The following SUGCT variants were observed in gnomAD, a reference collection of about 807,000 sequenced individuals.
The protein encoded by SUGCT is succinyl-CoA:glutarate CoA-transferase.
A neutral mutation model predicts 55.0 loss-of-function variants in SUGCT; 41 were observed. That is an observed-to-expected ratio of 0.74 (90% CI 0.58 to 0.97). The LOEUF (loss-of-function observed/expected upper bound fraction) is 0.97. SUGCT is among the 50% of genes least tolerant of loss of function. The pLI is 0.00. For synonymous variants in SUGCT, 187 were observed against 200.4 expected, an observed-to-expected ratio of 0.93 and a Z score of 0.56; for missense variants, 568 against 547.8, an observed-to-expected ratio of 1.04 and a Z score of -0.37.
the SUGCT span, among the ~76,000 whole-genome samples, chr7:41,023,096 A>G: frequency 6.6e-6 from 1 of 152,142 alleles, no homozygotes; most frequent in South Asian, 2.1e-4. Context: ...TTTGGGATGG[A>G]AATGCTAACA....
At chr7:40,245,485 G>C in intron 7 of SUGCT, among the ~76,000 whole-genome samples, 1 of 121,782 alleles carries the variant, frequency 8.2e-6, no homozygotes, top group African/African-American at 3.3e-5. Context: ...TGTCACCCAG[G>C]CTGGAGTGCA....
Position 40,251,111 on chromosome 7 carries a change from G to A in SUGCT, c.576+13385G>A, listed in dbSNP as rs368021520. ...CCCAAACTGCTGGGATTACAGGTGT[G>A]AGCCACCATGTCCTGCCTCATTTCA... On this transcript the variant is annotated intron_variant, in intron 7 of 13. Coordinates refer to ENST00000335693, the MANE Select transcript of SUGCT (RefSeq NM_001193313.2). 3.3e-5 allele frequency among the ~76,000 whole-genome samples: 5 copies of A among 152,216 alleles called. 1 individual carries two copies. The South Asian group carries it at 6.2e-4, about 19-fold the overall frequency.
At chr7:40,336,490 T>C (rs1158440350) in intron 9 of SUGCT, among the ~76,000 whole-genome samples, 5 of 152,194 alleles carry the variant, frequency 3.3e-5, no homozygotes, top group African/African-American at 1.2e-4. Context: ...GGTGTATGTG[T>C]CCAGGAATTT....
chr7:40,147,846 A>G, intron 1 of SUGCT, among the ~76,000 whole-genome samples: 1 of 152,246 alleles, frequency 6.6e-6, no homozygotes, highest in East Asian at 1.9e-4. Flanking sequence ...TCTGTGCTGC[A>G]AAAGAAATAG....
chr7:40,490,214 T>G (rs1248857812), intron 11 of SUGCT, among the ~76,000 whole-genome samples: 1 of 152,236 alleles, frequency 6.6e-6, no homozygotes, highest in Non-Finnish European at 1.5e-5. Context: ...CTGTGTTTCC[T>G]GCAGCATAAT....
intron 12 of SUGCT, among the ~76,000 whole-genome samples, chr7:40,531,486 A>T (rs59719556): frequency 0.018 from 2,671 of 151,988 alleles, 71 homozygotes; most frequent in African/African-American, 0.056. Flanking sequence ...ATGGCAATAA[A>T]ATTTTGAGTT....
intron 6 of SUGCT, among the ~76,000 whole-genome samples, chr7:40,225,557 C>G (rs1180740616): frequency 6.6e-6 from 1 of 151,892 alleles, no homozygotes; most frequent in Non-Finnish European, 1.5e-5. Flanking sequence ...CTGCCTCACC[C>G]TCCAAGTAGC....
At chr7:40,669,699 C>A in intron 12 of SUGCT, among the ~76,000 whole-genome samples, 1 of 149,278 alleles carries the variant, frequency 6.7e-6, no homozygotes, top group South Asian at 2.1e-4. Context: ...TGAAGGGAAC[C>A]AAGAAAAGAA....
At chr7:40,937,171 AC>A in the SUGCT span, among the ~76,000 whole-genome samples, 1 of 151,892 alleles carries the variant, frequency 6.6e-6, no homozygotes, top group Non-Finnish European at 1.5e-5. Context: ...TTCTTCCTCC[AC>A]CCCCTCACCA....
intron 11 of SUGCT, among the ~76,000 whole-genome samples, chr7:40,483,737 C>T (rs989286953): frequency 3.3e-4 from 50 of 151,716 alleles, no homozygotes; most frequent in African/African-American, 1.2e-3. Flanking sequence ...CCCTCAACAT[C>T]TGATGACCCT....
intron 9 of SUGCT, among the ~76,000 whole-genome samples, chr7:40,357,603 A>C (rs1056590507): frequency 6.6e-6 from 1 of 152,246 alleles, no homozygotes; most frequent in Non-Finnish European, 1.5e-5. Flanking sequence ...GTAGCCATAG[A>C]TGTAAACAGA....
intron 12 of SUGCT, among the ~76,000 whole-genome samples, chr7:40,654,382 C>G (rs958877520): frequency 6.6e-6 from 1 of 152,142 alleles, no homozygotes; most frequent in Non-Finnish European, 1.5e-5. Context: ...TAGTTGATTT[C>G]GTTATTACAT....
Position 40,344,494 on chromosome 7 carries a change from C to T in SUGCT, c.816+27639C>T, listed in dbSNP as rs373276030. 2.0e-3 allele frequency among the ~76,000 whole-genome samples: 298 copies of T among 152,204 alleles called. 12 individuals are homozygous for T. In the South Asian group the frequency reaches 0.058, roughly 30 times the overall value. ...AAATGAAGAATAAAAGTTTTTGACA[C>T]GTGAAATTCAAATTTAAAAGTCCAT... On this transcript the variant is annotated intron_variant, in intron 9 of 13. Coordinates refer to ENST00000335693, the MANE Select transcript of SUGCT (RefSeq NM_001193313.2).
At chr7:40,817,446 G>A (rs1236888595) in intron 13 of SUGCT, among the ~76,000 whole-genome samples, 3 of 152,168 alleles carry the variant, frequency 2.0e-5, no homozygotes, top group Admixed American at 6.5e-5. Context: ...TTAAATCATG[G>A]AGTAAGTAAG....
intron 12 of SUGCT, among the ~76,000 whole-genome samples, chr7:40,548,665 T>C (rs1795141251): frequency 1.3e-5 from 2 of 152,276 alleles, no homozygotes; most frequent in South Asian, 4.1e-4. Flanking sequence ...TCAGTGAACC[T>C]ACATTGACCC....
chr7:40,616,278 C>T (rs529501402), intron 12 of SUGCT, among the ~76,000 whole-genome samples: 4 of 152,268 alleles, frequency 2.6e-5, no homozygotes, highest in East Asian at 1.9e-4. Context: ...TCACTGCAAC[C>T]TCCACCTCCT....
At chr7:40,421,985 C>T (rs940447913) in intron 9 of SUGCT, among the ~76,000 whole-genome samples, 5 of 152,010 alleles carry the variant, frequency 3.3e-5, no homozygotes, top group East Asian at 1.9e-4. Flanking sequence ...TTTGGTGATC[C>T]GGTGTCTAAC....
At chr7:40,978,441 G>A in the SUGCT span, among the ~76,000 whole-genome samples, 1 of 152,178 alleles carries the variant, frequency 6.6e-6, no homozygotes, top group African/African-American at 2.4e-5. Flanking sequence ...CAAGTGCCAG[G>A]CATGTGTAAG....
chr7:40,941,755 T>C, the SUGCT span, among the ~76,000 whole-genome samples: 11 of 152,130 alleles, frequency 7.2e-5, no homozygotes, highest in Non-Finnish European at 1.6e-4. Flanking sequence ...GCTCCAGAGT[T>C]AGGTGGGTAT....
Sources: allele counts gnomAD v4.1 joint callset (sites outside exome capture counted in the v4.1 genomes callset), GRCh38; gene constraint gnomAD v4.1.1; transcripts MANE v1.5; gene names NCBI Gene and HGNC (gene_info 2026-07-23, HGNC 2026-07-21).